The following CEP89 variants were observed in gnomAD, a reference collection of about 807,000 sequenced individuals.
CEP89 encodes the protein centrosomal protein 89.
CEP89 carries 95 observed loss-of-function variants against 97.6 expected under a neutral mutation model. The ratio of observed to expected loss-of-function variants is 0.97; its 90% CI spans 0.82 to 1.15. The LOEUF (loss-of-function observed/expected upper bound fraction) is 1.15, where lower values mean the gene tolerates loss of function less well. CEP89 is among the 50% of genes most tolerant of loss of function. The pLI, the probability that CEP89 is intolerant of heterozygous loss-of-function variation, is 0.00. For synonymous variants in CEP89, 354 were observed against 349.1 expected (o/e 1.01, Z -0.16); for missense variants, 869 against 947.7 (o/e 0.92, Z 1.09).
chr19:32,951,534 T>TATATATATATATATAC (rs1407110112), intron 4 of CEP89, among the ~76,000 whole-genome samples: 1 of 122,040 alleles, frequency 8.2e-6, no homozygotes, highest in African/African-American at 3.4e-5. Context: ...TATATATATA[T>TATATATATATATATAC]ACACACACAC....
At chr19:32,901,516 C>A in intron 14 of CEP89, 104 bp from the exon 15 acceptor site, 1 of 1,194,568 alleles carries the variant, frequency 8.4e-7, no homozygotes. Context: ...CCCTCCAGCC[C>A]CTGGGTGGGT....
chr19:32,959,634 C>A (rs561458275), intron 3 of CEP89, among the ~76,000 whole-genome samples: 1 of 152,116 alleles, frequency 6.6e-6, no homozygotes, highest in African/African-American at 2.4e-5. Flanking sequence ...ATGGCCAGGA[C>A]CCATACAAGT....
At chr19:32,905,512 C>A (rs997315598) in intron 14 of CEP89, among the ~76,000 whole-genome samples, 9 of 150,596 alleles carry the variant, frequency 6.0e-5, no homozygotes, top group Non-Finnish European at 8.9e-5. Flanking sequence ...TAATTCAATT[C>A]TTTTAATGAT....
intron 5 of CEP89, among the ~76,000 whole-genome samples, chr19:32,948,056 C>T (rs956997841): frequency 3.7e-4 from 56 of 152,216 alleles, no homozygotes; most frequent in Admixed American, 3.6e-3. Context: ...ATCCTCCAGC[C>T]TTGGCCTTCC....
In CEP89 at chr19:32,881,886, T is replaced by G. The variant is rs1306965955; in HGVS notation, c.2093A>C (p.Lys698Thr). The change falls in exon 18 of 19, where the codon AAG (lysine) becomes ACG (threonine). Residue 698 changes from lysine to threonine, a missense_variant. Coordinates refer to ENST00000305768, the MANE Select transcript of CEP89 (RefSeq NM_032816.5). ...QEMRHLHQVLKDKQEVLDQAL... is the reference protein window; with the variant it reads ...QEMRHLHQVLTDKQEVLDQAL... ...CTGGTCCAGCACCTCCTGCTTGTCC[T>G]TCAGCACCTGGTGCAGGTGCCGCAT... 6.2e-7 allele frequency: 1 copy of G among 1,606,598 alleles called. No homozygotes were observed. Among genetic ancestry groups the G allele is most frequent in the Non-Finnish European group, 8.5e-7 (1 of 1,179,182 alleles).
intron 1 of CEP89, 78 bp downstream of exon 1, chr19:32,971,758 C>T (rs1971417080): frequency 1.4e-6 from 2 of 1,474,352 alleles, no homozygotes; most frequent in South Asian, 1.2e-5. Flanking sequence ...TCAGGCCAAA[C>T]CCCAACCCGC....
chr19:32,897,047 T>C (rs190780624), intron 16 of CEP89, among the ~76,000 whole-genome samples: 178 of 152,174 alleles, frequency 1.2e-3, no homozygotes, highest in African/African-American at 4.1e-3. Flanking sequence ...CCTAAAATAA[T>C]CAAAAGGGTG....
In CEP89 at chr19:32,971,736, C is replaced by T. The variant is rs373855565; in HGVS notation, c.39+100G>A. The T allele has an allele frequency of 4.0e-4, 493 of 1,228,518 alleles. 2 individuals are homozygous for T. In the East Asian group the frequency reaches 1.0e-2, roughly 25 times the overall value. The allele number at this position is 1,228,518 out of a possible 1,614,324, so 76.1% of individuals were successfully genotyped here. A position where few individuals can be genotyped will look rare whatever the true frequency, so the allele number is the denominator to read the frequency against. ...AAACCACTTTCTCTTGTGCCGCCCC[C>T]TTGACTGGATCTCAGGCCAAACCCC... On this transcript the variant is annotated intron_variant, in intron 1 of 18. Coordinates refer to ENST00000305768, the MANE Select transcript of CEP89 (RefSeq NM_032816.5).
In CEP89 at chr19:32,939,839, TA is replaced by T. The variant is rs760884176; in HGVS notation, c.624+17del. 55 of 1,132,738 alleles carry T rather than the reference TA, an allele frequency of 4.9e-5. No individual in the cohort carries two copies. Among genetic ancestry groups the T allele is most frequent in the Non-Finnish European group, 5.8e-5 (45 of 774,792 alleles). 70.2% of individuals were successfully genotyped at this position (1,132,738 alleles called of 1,614,324 possible). ...TCTATTTATTGAGAAAATCAGTTTT[TA>T]AAAAAAATGATCTTACCTTTAAATT... On this transcript the variant is annotated intron_variant, in intron 6 of 18. Coordinates refer to ENST00000305768, the MANE Select transcript of CEP89 (RefSeq NM_032816.5).
At chr19:32,927,984 C>T (rs1312184242) in intron 9 of CEP89, among the ~76,000 whole-genome samples, 4 of 140,674 alleles carry the variant, frequency 2.8e-5, no homozygotes, top group African/African-American at 5.3e-5. Context: ...GGTATGATCT[C>T]GGCTCACTGT....
chr19:32,921,229 AAAAG>A (rs1207575416), intron 12 of CEP89, among the ~76,000 whole-genome samples: 238 of 113,436 alleles, frequency 2.1e-3, no homozygotes, highest in African/African-American at 5.4e-3. Context: ...CTCAAAAAAA[AAAAG>A]AAAGAAAGAA....
intron 17 of CEP89, among the ~76,000 whole-genome samples, chr19:32,885,806 G>A (rs965153631): frequency 1.3e-5 from 2 of 152,114 alleles, no homozygotes; most frequent in Admixed American, 6.6e-5. Flanking sequence ...CTTCTTTGGA[G>A]GCTCTAGAAG....
At chr19:32,955,942 CCCA>C (rs1292467378) in intron 3 of CEP89, among the ~76,000 whole-genome samples, 1 of 152,142 alleles carries the variant, frequency 6.6e-6, no homozygotes, top group Non-Finnish European at 1.5e-5. Context: ...CAACTTAAAA[CCCA>C]CTGTCTAAAT....
In CEP89 at chr19:32,936,086, G is replaced by A. The variant is rs530641199; in HGVS notation, c.667+1545C>T. On this transcript the variant is annotated intron_variant, in intron 7 of 18. Transcript: ENST00000305768. The surrounding 1 kb of genome is among the most constrained non-coding windows in gnomAD (Gnocchi z 4.5). ...GGGTGTCTCTGCAGTCTGCACCCTC[G>A]GGGGCCTGGGAAGGCTCCCGTGTCC... 2.1e-4 allele frequency among the ~76,000 whole-genome samples: 32 copies of A among 152,206 alleles called. No individual in the cohort carries two copies. In the East Asian group the frequency reaches 2.3e-3, roughly 11 times the overall value.
intron 15 of CEP89, among the ~76,000 whole-genome samples, chr19:32,900,437 A>T (rs924227285): frequency 8.8e-4 from 134 of 151,668 alleles, no homozygotes; most frequent in African/African-American, 2.9e-3. Context: ...ACATATATAT[A>T]TTTTTTTAAG....
chr19:32,936,105 C>T lies in CEP89; in HGVS notation c.667+1526G>A, dbSNP rs1016647271. 2.0e-5 allele frequency among the ~76,000 whole-genome samples: 3 copies of T among 152,256 alleles called. No homozygotes were observed. The highest frequency in any genetic ancestry group is 1.3e-4 in the Admixed American group (2 of 15,294). On this transcript the variant is annotated intron_variant, in intron 7 of 18. Coordinates refer to ENST00000305768, the MANE Select transcript of CEP89 (RefSeq NM_032816.5). This position sits in a 1 kb window ranked among gnomAD's most constrained non-coding sequence, Gnocchi z 4.5. ...ACCCTCGGGGGCCTGGGAAGGCTCCCGTGTCCCCGCAGGCTTATGGGTGTT... is the reference window on the plus strand; with the variant it reads ...ACCCTCGGGGGCCTGGGAAGGCTCCTGTGTCCCCGCAGGCTTATGGGTGTT...
chr19:32,934,916 C>A (rs753615519), intron 7 of CEP89, among the ~76,000 whole-genome samples: 2 of 152,024 alleles, frequency 1.3e-5, no homozygotes, highest in Admixed American at 6.6e-5. Context: ...AGTTCGAGAC[C>A]GGCCTGAGCA....
intron 8 of CEP89, among the ~76,000 whole-genome samples, chr19:32,933,063 AT>A (rs11292224): frequency 0.36 from 54,045 of 152,042 alleles, 9,813 homozygotes; most frequent in Admixed American, 0.48. Context: ...TTAAAATACT[AT>A]TTCTTTTTTT....
intron 15 of CEP89, among the ~76,000 whole-genome samples, chr19:32,900,888 C>CT (rs34188586): frequency 0.015 from 2,010 of 138,130 alleles, 35 homozygotes; most frequent in African/African-American, 0.033. Context: ...CTTCATTTGT[C>CT]TTTTTTTTTT....
Sources: gnomAD v4.1 joint callset for allele counts (sites outside exome capture counted in the v4.1 genomes callset) on GRCh38, gnomAD v4.1.1 for gene constraint, Gnocchi (gnomAD v3.1) non-coding constraint, MANE v1.5 for transcripts, NCBI Gene and HGNC (gene_info 2026-07-23, HGNC 2026-07-21) for gene names.